Variants in STK32B observed in about 807,000 individuals in gnomAD.
STK32B encodes the protein serine/threonine-protein kinase 32B.
In STK32B, 43 loss-of-function variants were observed where a neutral mutation model predicts 52.6. The observed-to-expected ratio is 0.82, with a 90% CI of 0.64 to 1.05. STK32B has a LOEUF of 1.05. Among genes scored for constraint, STK32B ranks in the 50% least tolerant of loss-of-function variants. STK32B has a pLI of 0.00. For missense variants in STK32B, 621 were observed against 534.6 expected (o/e 1.16, Z -1.59); for synonymous variants, 238 against 204.3 (o/e 1.17, Z -1.41).
chr4:5,074,188 A>ATATATGTGTGTGTGTGTGTGTG lies in STK32B; in HGVS notation c.52+22274_52+22275insATATGTGTGTGTGTGTGTGTGT, dbSNP rs375845988. On this transcript the variant is annotated intron_variant, in intron 1 of 11. Transcript: ENST00000282908. Reference sequence around the variant, plus strand: ...ATTCTGTTCATTTGTAAATATATATATGTGTGTGTGTGTGTGTGTGTGCGC... The same window carrying ATATATGTGTGTGTGTGTGTGTG: ...ATTCTGTTCATTTGTAAATATATATATATATGTGTGTGTGTGTGTGTGTGTGTGTGTGTGTGTGTGTGTGCGC... Among the ~76,000 whole-genome samples, 254 of 148,896 alleles carry ATATATGTGTGTGTGTGTGTGTG rather than the reference A, an allele frequency of 1.7e-3. 1 individual carries two copies. Among genetic ancestry groups the ATATATGTGTGTGTGTGTGTGTG allele is most frequent in the African/African-American group, 5.6e-3 (227 of 40,522 alleles).
intron 2 of STK32B, among the ~76,000 whole-genome samples, chr4:5,151,456 T>C (rs777038642): frequency 9.2e-5 from 14 of 152,224 alleles, no homozygotes; most frequent in Non-Finnish European, 1.5e-4. Context: ...AGACATTTCA[T>C]TGTTAAACTA....
intron 2 of STK32B, among the ~76,000 whole-genome samples, chr4:5,165,330 C>T (rs79343979): frequency 6.4e-4 from 98 of 152,320 alleles, no homozygotes; most frequent in Admixed American, 1.6e-3. Context: ...CTATTGAAAT[C>T]ATGAGTTCTC....
the STK32B span, among the ~76,000 whole-genome samples, chr4:5,029,524 G>A: frequency 6.6e-6 from 1 of 152,088 alleles, no homozygotes; most frequent in Non-Finnish European, 1.5e-5. Context: ...GCAAGGAAAT[G>A]GGAACCTGAG....
intron 1 of STK32B, among the ~76,000 whole-genome samples, chr4:5,052,874 G>C (rs1367249234): frequency 6.6e-6 from 1 of 152,160 alleles, no homozygotes; most frequent in Non-Finnish European, 1.5e-5. Flanking sequence ...CTATGTTCCA[G>C]CCATGCTAGC....
At chr4:5,393,451 A>G (rs1225406920) in intron 4 of STK32B, among the ~76,000 whole-genome samples, 1 of 152,234 alleles carries the variant, frequency 6.6e-6, no homozygotes, top group Non-Finnish European at 1.5e-5. Context: ...TTGTTTATAA[A>G]GAAAAGAGGT....
intron 6 of STK32B, among the ~76,000 whole-genome samples, chr4:5,429,916 A>C (rs1713428136): frequency 6.6e-6 from 1 of 151,472 alleles, no homozygotes; most frequent in African/African-American, 2.4e-5. Flanking sequence ...ATTGCTTCTT[A>C]TTTGTAGTAT....
intron 3 of STK32B, among the ~76,000 whole-genome samples, chr4:5,231,156 T>C (rs1408724584): frequency 6.6e-6 from 1 of 152,176 alleles, no homozygotes; most frequent in African/African-American, 2.4e-5. Flanking sequence ...TCTTTTGATA[T>C]CTTGCATCAC....
intron 11 of STK32B, among the ~76,000 whole-genome samples, chr4:5,492,636 G>C (rs1260519167): frequency 6.7e-6 from 1 of 150,064 alleles, no homozygotes; most frequent in Non-Finnish European, 1.5e-5. Flanking sequence ...GTGAGAGAGG[G>C]CATCCCTGTC....
intron 4 of STK32B, among the ~76,000 whole-genome samples, chr4:5,338,488 A>T (rs978243617): frequency 6.6e-6 from 1 of 152,202 alleles, no homozygotes; most frequent in Admixed American, 6.5e-5. Flanking sequence ...GATCAGTTGT[A>T]TATGTGTCAT....
chr4:5,243,649 C>T (rs1465715990), intron 3 of STK32B, among the ~76,000 whole-genome samples: 1 of 152,132 alleles, frequency 6.6e-6, no homozygotes, highest in South Asian at 2.1e-4. Context: ...GTATCCCTGT[C>T]TTGTGCCAGT....
chr4:5,418,738 C>T (rs561980289), intron 6 of STK32B, among the ~76,000 whole-genome samples: 41 of 152,348 alleles, frequency 2.7e-4, no homozygotes, highest in Non-Finnish European at 5.0e-4. Flanking sequence ...AGTTTGGCCT[C>T]ACTTAACTCT....
intron 2 of STK32B, 22 bp from the exon 3 acceptor site, chr4:5,168,277 C>A (rs1334391739): frequency 6.3e-7 from 1 of 1,597,834 alleles, no homozygotes. Flanking sequence ...CCTGACTGTT[C>A]TCTCCTTTGG....
At chr4:5,300,233 C>A (rs1336318518) in intron 3 of STK32B, among the ~76,000 whole-genome samples, 1 of 152,160 alleles carries the variant, frequency 6.6e-6, no homozygotes, top group Non-Finnish European at 1.5e-5. Context: ...ATTCAACATC[C>A]CTTCATGATA....
At chr4:5,025,720 G>A in the STK32B span, among the ~76,000 whole-genome samples, 4 of 152,310 alleles carry the variant, frequency 2.6e-5, no homozygotes, top group South Asian at 8.3e-4. Context: ...GAAACGTCTT[G>A]CACTCAAATC....
intron 1 of STK32B, among the ~76,000 whole-genome samples, chr4:5,087,368 G>A (rs1712789850): frequency 6.6e-6 from 1 of 151,718 alleles, no homozygotes; most frequent in African/African-American, 2.4e-5. Context: ...ACAAAAAGAA[G>A]GCAGTAATAG....
At chr4:5,032,672 C>T in the STK32B span, among the ~76,000 whole-genome samples, 1 of 151,916 alleles carries the variant, frequency 6.6e-6, no homozygotes, top group African/African-American at 2.4e-5. Context: ...ATCATTTTGA[C>T]AATTTTTACA....
At chr4:5,030,789 T>A in the STK32B span, among the ~76,000 whole-genome samples, 7 of 152,176 alleles carry the variant, frequency 4.6e-5, no homozygotes, top group African/African-American at 1.4e-4. Context: ...ACATATTCAC[T>A]GAAGGCAAGA....
chr4:5,329,137 GA>G (rs939863986), intron 3 of STK32B, among the ~76,000 whole-genome samples: 2 of 152,186 alleles, frequency 1.3e-5, no homozygotes, highest in African/African-American at 4.8e-5. Context: ...TAGAAAGGCA[GA>G]AGGGCCTTTC....
rs763832144 is a variant in STK32B, at chr4:5,460,147, C to T, written c.828C>T (p.Asp276=). The T allele has an allele frequency of 6.2e-7, 1 of 1,614,184 alleles. No individual in the cohort carries two copies. The highest frequency in any genetic ancestry group is 2.2e-5 in the East Asian group (1 of 44,874). Residue 276 remains aspartate (D), a synonymous_variant, in exon 9 of 12, where the codon GAC becomes GAT. Transcript: ENST00000282908. This position sits in a 1 kb window ranked among gnomAD's most constrained non-coding sequence, Gnocchi z 4.8. ...DPESRVSSLH[D]IQSVPYLADM... Reference sequence around the variant, plus strand: ...AGAGCCGCGTGTCCAGCCTTCATGACATACAGAGCGTGCCCTACTTGGCCG... The same window carrying T: ...AGAGCCGCGTGTCCAGCCTTCATGATATACAGAGCGTGCCCTACTTGGCCG...
Sources: allele counts gnomAD v4.1 joint callset (sites outside exome capture counted in the v4.1 genomes callset), GRCh38; gene constraint gnomAD v4.1.1; non-coding constraint Gnocchi (gnomAD v3.1); transcripts MANE v1.5; gene names NCBI Gene and HGNC (gene_info 2026-07-23, HGNC 2026-07-21).